ADGRG1: variants seen among roughly 807,000 people sequenced by gnomAD.
ADGRG1 encodes 7-transmembrane protein with no EGF-like N-terminal domains-1.
Under a neutral mutation model 73.5 loss-of-function variants are expected in ADGRG1, and 53 were observed. The observed-to-expected ratio is 0.72, with a 90% CI of 0.58 to 0.91. ADGRG1 has a LOEUF of 0.91. Among genes scored for constraint, ADGRG1 ranks in the 40% least tolerant of loss-of-function variants. ADGRG1 has a pLI of 0.00. For synonymous variants in ADGRG1, 394 were observed against 374.4 expected (o/e 1.05, Z -0.60); for missense variants, 795 against 871.8 (o/e 0.91, Z 1.11).
chr16:57,631,386 T>C (rs2037866990), intron 1 of ADGRG1: 9 of 985,894 alleles, frequency 9.1e-6, no homozygotes, highest in Non-Finnish European at 9.6e-6. Context: ...TCTGGGGGGC[T>C]GTGCCATTTC....
At chr16:57,635,727 G>A (rs1295605047) in intron 1 of ADGRG1, 5 of 985,328 alleles carry the variant, frequency 5.1e-6, no homozygotes, top group African/African-American at 1.7e-5. Context: ...AGCTGCTGCC[G>A]ACTCTCCATG....
chr16:57,655,538 G>T lies in ADGRG1; in HGVS notation c.900+8G>T, dbSNP rs749589373. The T allele has an allele frequency of 3.1e-6, 5 of 1,613,740 alleles. No individual in the cohort carries two copies. The highest frequency in any genetic ancestry group is 2.7e-5 in the African/African-American group (2 of 74,972). The stretch of plus-strand genomic sequence containing the variant: ...AGCCAAGCCCTGTTCCAGGTATGGG[G>T]TCCTCACCCTCATGCCTCCCAGGAG... On this transcript the variant is annotated splice_region_variant and intron_variant, in intron 6 of 13. Coordinates refer to ENST00000562631, the MANE Select transcript of ADGRG1 (RefSeq NM_201525.4).
intron 13 of ADGRG1, 153 bp from the exon 14 acceptor site, chr16:57,663,299 G>A (rs948773864): frequency 1.0e-5 from 10 of 984,880 alleles, no homozygotes; most frequent in Non-Finnish European, 1.2e-5. Context: ...CTCATAGGAG[G>A]TGCTCGCTGG....
chr16:57,657,419 T>C lies in ADGRG1; in HGVS notation c.1214T>C (p.Leu405Pro), dbSNP rs1430836564. ...VDAVHKHYLS[L>P]LSYVGCVVSA... ...GCCGTGCACAAGCACTACCTGAGCC[T>C]CCTCTCCTACGTGGGCTGTGTCGTC... Residue 405 changes from leucine to proline, a missense_variant, in exon 10 of 14, where the codon CTC becomes CCC. By Grantham distance (98) the Leu-to-Pro change is moderately conservative. Transcript: ENST00000562631. 6.2e-7 allele frequency: 1 copy of C among 1,613,968 alleles called. No homozygotes were observed. Among genetic ancestry groups the C allele is most frequent in the African/African-American group, 1.3e-5 (1 of 74,908 alleles).
rs1490988649 is a variant in ADGRG1 at position 57,661,687 on chromosome 16, T to A, written c.1665-10T>A. 2 of 1,612,136 alleles carry A rather than the reference T, an allele frequency of 1.2e-6. No individual in the cohort carries two copies. Among genetic ancestry groups the A allele is most frequent in the Non-Finnish European group, 1.7e-6 (2 of 1,179,232 alleles). ...GGCCACACGCTGAGCCCTCCTGCCT[T>A]TGCCCGCAGGTGCTGGATCCGGGAC... On this transcript the variant is annotated splice_polypyrimidine_tract_variant and intron_variant, in intron 12 of 13. Coordinates refer to ENST00000562631, the MANE Select transcript of ADGRG1 (RefSeq NM_201525.4).
At chr16:57,632,830 C>G in intron 1 of ADGRG1, 4 of 985,400 alleles carry the variant, frequency 4.1e-6, no homozygotes, top group Non-Finnish European at 4.8e-6. Flanking sequence ...GGGAGATGGC[C>G]TGGCGGTGGG....
At chr16:57,634,027 A>G (rs2038709019) in intron 1 of ADGRG1, 14 of 975,264 alleles carry the variant, frequency 1.4e-5, no homozygotes, top group Non-Finnish European at 1.7e-5. Flanking sequence ...TACCCACAGA[A>G]CCGCCGACCT....
At chr16:57,652,745 A>G in intron 3 of ADGRG1, 3 of 1,026,436 alleles carry the variant, frequency 2.9e-6, no homozygotes, top group Non-Finnish European at 3.5e-6. Context: ...TCTGAGTCCC[A>G]GCTAATCCCT....
At chr16:57,629,277 C>A in intron 1 of ADGRG1, 1 of 614,022 alleles carries the variant, frequency 1.6e-6, no homozygotes, top group Non-Finnish European at 2.0e-6. Flanking sequence ...GGGACTGGGG[C>A]CCAAGGGGAG....
intron 5 of ADGRG1, among the ~76,000 whole-genome samples, chr16:57,654,615 C>A (rs139434514): frequency 6.6e-6 from 1 of 152,238 alleles, no homozygotes; most frequent in East Asian, 1.9e-4. Context: ...TGCAGTGGCT[C>A]ACATCTGTAA....
At chr16:57,625,475 C>T, upstream of ADGRG1, 1 of 655,756 alleles carries the variant, frequency 1.5e-6, no homozygotes, top group Non-Finnish European at 1.9e-6. Context: ...GTCTCTTGGA[C>T]CAAAGTCTCC....
chr16:57,623,745 C>T (rs1163604618), upstream of ADGRG1: 1 of 969,934 alleles, frequency 1.0e-6, no homozygotes, highest in Non-Finnish European at 1.2e-6. Flanking sequence ...CCCTGCTGGG[C>T]CTGGGCCCTG....
At chr16:57,628,139 G>A (rs1460321293), upstream of ADGRG1, 6 of 838,554 alleles carry the variant, frequency 7.2e-6, no homozygotes, top group Admixed American at 1.4e-3. Context: ...CCTGTCACCC[G>A]CTCCCTCCCG....
At chr16:57,662,862 G>A (rs1023166189) in intron 13 of ADGRG1, 3 of 900,304 alleles carry the variant, frequency 3.3e-6, no homozygotes, top group Non-Finnish European at 4.0e-6. Flanking sequence ...GTATGGCCAG[G>A]CCCAGGGGCT....
chr16:57,634,945 A>T (rs537412838), intron 1 of ADGRG1: 3 of 984,918 alleles, frequency 3.0e-6, no homozygotes, highest in African/African-American at 3.5e-5. Context: ...CTTCCAAGGA[A>T]CCTCCACCAT....
At chr16:57,629,079 G>A in intron 1 of ADGRG1, 2 of 669,158 alleles carry the variant, frequency 3.0e-6, no homozygotes, top group Non-Finnish European at 3.7e-6. Flanking sequence ...TGTGAGTGTG[G>A]GAGTGTATGT....
At chr16:57,651,736 C>T in intron 3 of ADGRG1, 114 bp downstream of exon 3, 1 of 1,512,080 alleles carries the variant, frequency 6.6e-7, no homozygotes, top group South Asian at 1.2e-5. Context: ...GGGCTTTGCT[C>T]ACAGGCACTG....
intron 3 of ADGRG1, chr16:57,652,864 C>T: frequency 8.7e-7 from 1 of 1,152,818 alleles, no homozygotes; most frequent in Non-Finnish European, 1.1e-6. Flanking sequence ...GGAACCACCA[C>T]CAAGCCCCGC....
At chr16:57,642,681 C>T in intron 1 of ADGRG1, 1 of 976,200 alleles carries the variant, frequency 1.0e-6, no homozygotes, top group Non-Finnish European at 1.2e-6. Flanking sequence ...AGTGCTTTGG[C>T]AAGTTACCTC....
Sources: gnomAD v4.1 joint callset for allele counts (sites outside exome capture counted in the v4.1 genomes callset) on GRCh38, gnomAD v4.1.1 for gene constraint, MANE v1.5 for transcripts, NCBI Gene and HGNC (gene_info 2026-07-23, HGNC 2026-07-21) for gene names.